The following SETBP1 variants were observed in gnomAD, a reference collection of about 807,000 sequenced individuals.
SETBP1 encodes SET-binding protein.
A neutral mutation model predicts 101.0 loss-of-function variants in SETBP1; 9 were observed. That is an observed-to-expected ratio of 0.09 (90% CI 0.05 to 0.16). SETBP1 has a LOEUF of 0.16. Ranked by LOEUF, SETBP1 falls within the 10% of genes least tolerant of loss-of-function variation. The probability of loss-of-function intolerance (pLI) is 1.00; values close to 1 mark genes in which losing one functional copy is unlikely to be tolerated. For synonymous variants in SETBP1, 818 were observed against 788.5 expected (o/e 1.04, Z -0.63); for missense variants, 1,858 against 2,033.8 (o/e 0.91, Z 1.66).
intron 4 of SETBP1, among the ~76,000 whole-genome samples, chr18:44,999,034 G>C (rs1173055076): frequency 6.6e-6 from 1 of 152,150 alleles, no homozygotes; most frequent in Non-Finnish European, 1.5e-5. Flanking sequence ...AAACAATCCT[G>C]ATCATCCTTC....
intron 2 of SETBP1, among the ~76,000 whole-genome samples, chr18:44,716,723 C>T (rs148940712): frequency 0.013 from 2,052 of 152,192 alleles, 15 homozygotes; most frequent in South Asian, 0.016. Context: ...CCACCATGCC[C>T]GGCTCATTTT....
chr18:45,044,316 G>A (rs991613810), intron 5 of SETBP1, among the ~76,000 whole-genome samples: 1 of 152,094 alleles, frequency 6.6e-6, no homozygotes, highest in Admixed American at 6.5e-5. Flanking sequence ...TAAAGCAATC[G>A]TTCAAGTTGT....
Position 45,017,347 on chromosome 18 carries a change from G to A in SETBP1, c.4001-21138G>A, listed in dbSNP as rs146779334. On this transcript the variant is annotated intron_variant, in intron 4 of 5. Transcript: ENST00000649279. ...AATATGGCCAACATAGGGCAAAACT[G>A]TGGACTCTGCAAAATGTGTCCCCTT... Among the ~76,000 whole-genome samples the A allele has an allele frequency of 6.3e-3, 965 of 152,310 alleles. 8 individuals carry two copies. The highest frequency in any genetic ancestry group is 0.022 in the African/African-American group (897 of 41,564).
At chr18:44,732,497 A>G (rs994310875) in intron 2 of SETBP1, 2 of 152,060 alleles carry the variant, frequency 1.3e-5, no homozygotes, top group African/African-American at 4.8e-5. Flanking sequence ...GCTATTTCTC[A>G]CCCTTGCAAT....
At chr18:45,028,785 G>GT (rs1380012123) in intron 4 of SETBP1, among the ~76,000 whole-genome samples, 1 of 152,130 alleles carries the variant, frequency 6.6e-6, no homozygotes, top group Non-Finnish European at 1.5e-5. Flanking sequence ...TTTTTCATGT[G>GT]TTTTTTGGCT....
intron 4 of SETBP1, among the ~76,000 whole-genome samples, chr18:44,974,985 G>A (rs1467764467): frequency 6.6e-6 from 1 of 152,108 alleles, no homozygotes; most frequent in African/African-American, 2.4e-5. Context: ...CCTCACAAAG[G>A]CACTTTTTGA....
chr18:44,912,885 G>A (rs556751377), intron 3 of SETBP1, among the ~76,000 whole-genome samples: 162 of 152,216 alleles, frequency 1.1e-3, no homozygotes, highest in Non-Finnish European at 2.0e-3. Context: ...AACCAAGGAT[G>A]CAGTGGGGAC....
At chr18:44,855,554 A>T (rs1399298746) in intron 2 of SETBP1, among the ~76,000 whole-genome samples, 3 of 152,154 alleles carry the variant, frequency 2.0e-5, no homozygotes, top group Non-Finnish European at 4.4e-5. Context: ...CCAGTGGTGC[A>T]TTGGGGCCAA....
chr18:44,910,996 C>G (rs1476294385), intron 3 of SETBP1, among the ~76,000 whole-genome samples: 3 of 152,124 alleles, frequency 2.0e-5, no homozygotes, highest in Non-Finnish European at 4.4e-5. Flanking sequence ...TTTTCATACC[C>G]CCTTGTGTAT....
chr18:45,034,968 G>T (rs1240964947), intron 4 of SETBP1, among the ~76,000 whole-genome samples: 1 of 151,590 alleles, frequency 6.6e-6, no homozygotes, highest in Non-Finnish European at 1.5e-5. Flanking sequence ...TAGAAGCCTG[G>T]TTCATGCTGG....
chr18:44,761,582 T>C (rs992291934), intron 2 of SETBP1, among the ~76,000 whole-genome samples: 6 of 152,222 alleles, frequency 3.9e-5, no homozygotes, highest in African/African-American at 1.4e-4. Flanking sequence ...TCCTGAAGAA[T>C]TGACTACAGT....
intron 2 of SETBP1, among the ~76,000 whole-genome samples, chr18:44,706,780 C>A (rs1295100001): frequency 6.6e-6 from 1 of 151,884 alleles, no homozygotes; most frequent in Non-Finnish European, 1.5e-5. Flanking sequence ...TACAGTGACT[C>A]AGGGTAGGAG....
At chr18:44,978,485 T>C (rs191871392) in intron 4 of SETBP1, among the ~76,000 whole-genome samples, 9 of 152,324 alleles carry the variant, frequency 5.9e-5, no homozygotes, top group Admixed American at 3.3e-4. Flanking sequence ...AGTATTATAC[T>C]ACCTGGTATT....
chr18:45,060,593 G>C (rs933429663), intron 5 of SETBP1, among the ~76,000 whole-genome samples: 26 of 152,170 alleles, frequency 1.7e-4, no homozygotes, highest in South Asian at 8.3e-4. Flanking sequence ...GGGCACAAAA[G>C]AGTTGGTTAT....
intron 2 of SETBP1, among the ~76,000 whole-genome samples, chr18:44,746,898 C>T (rs1346856618): frequency 6.6e-6 from 1 of 152,162 alleles, no homozygotes; most frequent in African/African-American, 2.4e-5. Context: ...AGTGTGTAAG[C>T]ACTGTCTTCA....
intron 2 of SETBP1, among the ~76,000 whole-genome samples, chr18:44,702,159 A>C (rs1224571099): frequency 6.6e-6 from 1 of 152,184 alleles, no homozygotes; most frequent in Non-Finnish European, 1.5e-5. Context: ...AAGAAGAAAA[A>C]ATATATTTGC....
At chr18:45,021,159 A>G (rs1333704321) in intron 4 of SETBP1, among the ~76,000 whole-genome samples, 1 of 152,254 alleles carries the variant, frequency 6.6e-6, no homozygotes, top group East Asian at 1.9e-4. Flanking sequence ...GAATATCACA[A>G]CACATATCAA....
intron 1 of SETBP1, among the ~76,000 whole-genome samples, 184 bp from the exon 2 acceptor site, chr18:44,700,991 T>C (rs1420719544): frequency 6.6e-6 from 1 of 152,220 alleles, no homozygotes; most frequent in Admixed American, 6.5e-5. Context: ...TGTGTGAATG[T>C]GTTTTTCCCT....
chr18:44,856,809 A>T (rs992345146), intron 2 of SETBP1, among the ~76,000 whole-genome samples: 1 of 152,222 alleles, frequency 6.6e-6, no homozygotes, highest in East Asian at 1.9e-4. Flanking sequence ...TAACATGCAC[A>T]TGTCTTTCAT....
Sources: allele counts gnomAD v4.1 joint callset (sites outside exome capture counted in the v4.1 genomes callset), GRCh38; gene constraint gnomAD v4.1.1; transcripts MANE v1.5; gene names NCBI Gene and HGNC (gene_info 2026-07-23, HGNC 2026-07-21).